Variants in LINGO2 observed in about 807,000 individuals in gnomAD.
The protein encoded by LINGO2 is leucine-rich repeat and immunoglobulin-like domain-containing nogo receptor-interacting protein 2.
A neutral mutation model predicts 30.6 loss-of-function variants in LINGO2; 14 were observed. The observed-to-expected ratio is 0.46, with a 90% CI of 0.30 to 0.72. The LOEUF (loss-of-function observed/expected upper bound fraction) is 0.72, where lower values mean the gene tolerates loss of function less well. Among genes scored for constraint, LINGO2 ranks in the 30% least tolerant of loss-of-function variants. The probability of loss-of-function intolerance (pLI) is 0.07; values close to 1 mark genes in which losing one functional copy is unlikely to be tolerated. For synonymous variants in LINGO2, 317 were observed against 288.5 expected, an observed-to-expected ratio of 1.10 and a Z score of -1.00; for missense variants, 729 against 751.7, an observed-to-expected ratio of 0.97 and a Z score of 0.35.
At chr9:29,071,613 T>C in the LINGO2 span, among the ~76,000 whole-genome samples, 1 of 149,836 alleles carries the variant, frequency 6.7e-6, no homozygotes, top group Non-Finnish European at 1.5e-5. Context: ...CTGACAAAAA[T>C]AAACAGGCTG....
chr9:28,148,507 T>C lies in LINGO2; in HGVS notation c.-86-136102A>G. ...TAGAGACCCAGGGGCAGGAGGACAA[T>C]AAAAGGGGCCCCTGTAGCAATGGGG... On this transcript the variant is annotated intron_variant, in intron 4 of 5. Coordinates refer to ENST00000379992, the Ensembl canonical transcript of LINGO2. The surrounding 1 kb of genome is among the most constrained non-coding windows in gnomAD (Gnocchi z 5.1). 2 of 1,469,516 alleles carry C rather than the reference T, an allele frequency of 1.4e-6. No individual in the cohort carries two copies. The highest frequency in any genetic ancestry group is 9.2e-7 in the Non-Finnish European group (1 of 1,087,870). 91.0% of individuals were successfully genotyped at this position (1,469,516 alleles called of 1,614,324 possible). A position where few individuals can be genotyped will look rare whatever the true frequency, so the allele number is the denominator to read the frequency against.
At chr9:28,618,436 G>C (rs537158599) in intron 1 of LINGO2, among the ~76,000 whole-genome samples, 3 of 152,032 alleles carry the variant, frequency 2.0e-5, no homozygotes, top group East Asian at 3.9e-4. Flanking sequence ...ATTATTTCAA[G>C]AACTTCCTAA....
chr9:28,463,205 G>GT (rs1426593080), intron 2 of LINGO2, among the ~76,000 whole-genome samples: 1 of 151,740 alleles, frequency 6.6e-6, no homozygotes. Context: ...ACCTAGATAT[G>GT]TAACATCACG....
At chr9:28,232,374 C>T (rs964423523) in intron 4 of LINGO2, among the ~76,000 whole-genome samples, 10 of 144,640 alleles carry the variant, frequency 6.9e-5, no homozygotes, top group Admixed American at 4.3e-4. Context: ...GCTGAGGTTG[C>T]GCCACTGCAC....
the LINGO2 span, among the ~76,000 whole-genome samples, chr9:28,677,025 C>G: frequency 2.0e-5 from 3 of 152,038 alleles, no homozygotes; most frequent in Non-Finnish European, 1.5e-5. Flanking sequence ...CGATAATTAA[C>G]GGTTACTGAA....
chr9:29,084,186 T>A, the LINGO2 span, among the ~76,000 whole-genome samples: 6,266 of 120,400 alleles, frequency 0.052, 199 homozygotes, highest in East Asian at 0.092. Context: ...ACCTAGATTA[T>A]TCTACAAAAA....
At chr9:28,373,773 G>A (rs111226669) in intron 2 of LINGO2, among the ~76,000 whole-genome samples, 31,893 of 151,674 alleles carry the variant, frequency 0.21, 3,556 homozygotes, top group Middle Eastern at 0.39. Flanking sequence ...GGTGGCGTGC[G>A]CCTGTAGTCC....
At chr9:29,142,848 A>G in the LINGO2 span, among the ~76,000 whole-genome samples, 1 of 151,984 alleles carries the variant, frequency 6.6e-6, no homozygotes, top group Non-Finnish European at 1.5e-5. Context: ...TGAGAGAGGA[A>G]TAAGTAAAAG....
the LINGO2 span, among the ~76,000 whole-genome samples, chr9:28,886,730 T>A: frequency 2.2e-4 from 33 of 152,154 alleles, no homozygotes; most frequent in Non-Finnish European, 3.4e-4. Flanking sequence ...CTAGCTAGTG[T>A]CATCTACAGA....
At chr9:28,133,242 G>A (rs1263166470) in intron 4 of LINGO2, among the ~76,000 whole-genome samples, 1 of 151,958 alleles carries the variant, frequency 6.6e-6, no homozygotes, top group East Asian at 1.9e-4. Flanking sequence ...TATTAAATAA[G>A]TACCAAATAC....
At chr9:28,884,955 AATATTT>A in the LINGO2 span, among the ~76,000 whole-genome samples, 236 of 28,474 alleles carry the variant, frequency 8.3e-3, 6 homozygotes, top group African/African-American at 0.03. Context: ...TATAATATAT[AATATTT>A]TATATATATA....
chr9:28,206,142 G>GT (rs1820400253), intron 4 of LINGO2, among the ~76,000 whole-genome samples: 1 of 127,618 alleles, frequency 7.8e-6, no homozygotes, highest in Non-Finnish European at 1.6e-5. Flanking sequence ...TCCAGCCTGA[G>GT]TGACAGAGTG....
intron 4 of LINGO2, among the ~76,000 whole-genome samples, chr9:28,226,370 G>A (rs1391690189): frequency 6.6e-6 from 1 of 152,018 alleles, no homozygotes; most frequent in African/African-American, 2.4e-5. Context: ...TTCTGGTAGA[G>A]TAGAAATGTC....
chr9:28,299,654 T>C (rs1587417795), intron 3 of LINGO2, among the ~76,000 whole-genome samples: 1 of 152,242 alleles, frequency 6.6e-6, no homozygotes, highest in Non-Finnish European at 1.5e-5. Flanking sequence ...AATCAGAAAG[T>C]TTAAGTTACT....
At chr9:28,317,009 C>T (rs903689240) in intron 3 of LINGO2, among the ~76,000 whole-genome samples, 4 of 152,116 alleles carry the variant, frequency 2.6e-5, no homozygotes, top group Non-Finnish European at 4.4e-5. Flanking sequence ...AATGTATATC[C>T]GTCATTATCC....
At chr9:28,162,655 A>G (rs1030056454) in intron 4 of LINGO2, among the ~76,000 whole-genome samples, 2 of 152,142 alleles carry the variant, frequency 1.3e-5, no homozygotes, top group Non-Finnish European at 2.9e-5. Flanking sequence ...GTTTTAAGGA[A>G]GATGCTTTAT....
At chr9:28,596,580 G>A (rs1159311087) in intron 1 of LINGO2, among the ~76,000 whole-genome samples, 2 of 152,124 alleles carry the variant, frequency 1.3e-5, no homozygotes, top group Non-Finnish European at 2.9e-5. Context: ...AATTTTCTCT[G>A]TAGGCTTTAG....
At chr9:28,612,008 G>T (rs928315459) in intron 1 of LINGO2, among the ~76,000 whole-genome samples, 7 of 151,810 alleles carry the variant, frequency 4.6e-5, no homozygotes, top group African/African-American at 1.7e-4. Flanking sequence ...TCTTAGTAGA[G>T]ACAGGGTTCC....
At chr9:28,813,317 G>A in the LINGO2 span, among the ~76,000 whole-genome samples, 5 of 152,052 alleles carry the variant, frequency 3.3e-5, no homozygotes, top group Admixed American at 6.5e-5. Flanking sequence ...TGTACTTAAC[G>A]TTTAATTCAT....
Sources: gnomAD v4.1 joint callset for allele counts (sites outside exome capture counted in the v4.1 genomes callset) on GRCh38, gnomAD v4.1.1 for gene constraint, Gnocchi (gnomAD v3.1) non-coding constraint, MANE v1.5 for transcripts, NCBI Gene and HGNC (gene_info 2026-07-23, HGNC 2026-07-21) for gene names.